GRIA1: variants seen among roughly 807,000 people sequenced by gnomAD.
GRIA1 encodes the protein glutamate ionotropic receptor AMPA type subunit 1, also known as glutamate receptor 1.
A neutral mutation model predicts 99.2 loss-of-function variants in GRIA1; 31 were observed. The observed-to-expected ratio is 0.31, with a 90% CI of 0.23 to 0.42. GRIA1 has a LOEUF of 0.42. Ranked by LOEUF, GRIA1 falls within the 10% of genes least tolerant of loss-of-function variation. The pLI is 1.00. For synonymous variants in GRIA1, 438 were observed against 432.4 expected (o/e 1.01, Z -0.16); for missense variants, 782 against 1,157.5 (o/e 0.68, Z 4.71).
intron 11 of GRIA1, among the ~76,000 whole-genome samples, chr5:153,732,906 C>G (rs1761139376): frequency 6.9e-6 from 1 of 144,376 alleles, no homozygotes; most frequent in Non-Finnish European, 1.5e-5. Flanking sequence ...GTGCGTAGTA[C>G]AAAATAAGAG....
At position 153,750,942 on chromosome 5, in the gene GRIA1, C is replaced by G. The variant is rs545447119; in HGVS notation, c.1824-13492C>G. On this transcript the variant is annotated intron_variant, in intron 11 of 15. Coordinates refer to ENST00000285900, the MANE Select transcript of GRIA1 (RefSeq NM_000827.4). ...TGAAACCCCGTCTCTACTAAAAGTA[C>G]AAAAAAAATTAGCTAGGCGTGGTGG... Among the ~76,000 whole-genome samples, 162 of 151,756 alleles carry G rather than the reference C, an allele frequency of 1.1e-3. 1 individual carries two copies. The highest frequency in any genetic ancestry group is 2.5e-3 in the South Asian group (12 of 4,792).
chr5:153,705,197 G>A (rs1758802343), intron 10 of GRIA1, among the ~76,000 whole-genome samples: 1 of 152,114 alleles, frequency 6.6e-6, no homozygotes, highest in African/African-American at 2.4e-5. Context: ...GCATCTCTCA[G>A]GACTAATTCT....
At chr5:153,783,068 A>G (rs1300649553) in intron 13 of GRIA1, among the ~76,000 whole-genome samples, 1 of 152,316 alleles carries the variant, frequency 6.6e-6, no homozygotes, top group Non-Finnish European at 1.5e-5. Flanking sequence ...TCTCTTCCTC[A>G]GGAGCCATTC....
chr5:153,791,071 C>T (rs1012970400), intron 13 of GRIA1, among the ~76,000 whole-genome samples: 1 of 151,932 alleles, frequency 6.6e-6, no homozygotes, highest in African/African-American at 2.4e-5. Context: ...TATCATAGGG[C>T]AGTTTTCCAG....
At chr5:153,799,887 C>A (rs565359846) in intron 14 of GRIA1, among the ~76,000 whole-genome samples, 2 of 152,100 alleles carry the variant, frequency 1.3e-5, no homozygotes, top group African/African-American at 4.8e-5. Flanking sequence ...TTCCACCCCC[C>A]GTCCATATGA....
chr5:153,714,373 CT>C (rs1307219519), intron 11 of GRIA1, among the ~76,000 whole-genome samples: 1 of 152,172 alleles, frequency 6.6e-6, no homozygotes, highest in Non-Finnish European at 1.5e-5. Flanking sequence ...AATTTTTCTC[CT>C]TTTCCCCTCC....
At chr5:153,544,596 C>A (rs1316562052) in intron 2 of GRIA1, among the ~76,000 whole-genome samples, 4 of 152,034 alleles carry the variant, frequency 2.6e-5, no homozygotes, top group African/African-American at 9.7e-5. Flanking sequence ...ATTGCAAACA[C>A]AGGAGAAGAT....
intron 2 of GRIA1, among the ~76,000 whole-genome samples, chr5:153,643,438 G>A (rs1277655015): frequency 6.6e-6 from 1 of 152,078 alleles, no homozygotes; most frequent in Admixed American, 6.6e-5. Context: ...ATTGAATATT[G>A]GTTGTGACAG....
At position 153,813,436 on chromosome 5, in the gene GRIA1, T is replaced by G. The variant is rs147858579; in HGVS notation, c.*2211T>G. ...TAACATGAGCGGATAAAAAGAGACT[T>G]GTTTGTGCTAGAAATGAGGGTCTAT... On this transcript the variant is annotated 3_prime_UTR_variant, in exon 16 of 16. Coordinates refer to ENST00000285900, the MANE Select transcript of GRIA1 (RefSeq NM_000827.4). 6.6e-6 allele frequency: 1 copy of G among 152,198 alleles called. No individual in the cohort carries two copies. The highest frequency in any genetic ancestry group is 1.5e-5 in the Non-Finnish European group (1 of 68,050). The allele number at this position is 152,198 out of a possible 1,614,324, so 9.4% of individuals were successfully genotyped here.
At chr5:153,674,772 A>C in intron 6 of GRIA1, 111 bp downstream of exon 6, 1 of 1,088,388 alleles carries the variant, frequency 9.2e-7, no homozygotes. Flanking sequence ...AAGCGAACAA[A>C]TTCAGGGAAA....
intron 11 of GRIA1, among the ~76,000 whole-genome samples, chr5:153,737,209 C>CTCA (rs891572129): frequency 7.0e-6 from 1 of 143,466 alleles, no homozygotes; most frequent in Non-Finnish European, 1.5e-5. Context: ...AAGCATTAAT[C>CTCA]TCATCTCATC....
intron 11 of GRIA1, among the ~76,000 whole-genome samples, chr5:153,731,983 G>A (rs1404273211): frequency 6.6e-6 from 1 of 151,964 alleles, no homozygotes; most frequent in African/African-American, 2.4e-5. Context: ...CATATAAGTG[G>A]GATCAGGTGT....
chr5:153,639,227 C>T (rs1356010623), intron 2 of GRIA1, among the ~76,000 whole-genome samples: 1 of 152,228 alleles, frequency 6.6e-6, no homozygotes, highest in Non-Finnish European at 1.5e-5. Context: ...CCAGCTAGGA[C>T]TGACCCTCTT....
At chr5:153,713,706 G>C (rs1759483024) in intron 11 of GRIA1, among the ~76,000 whole-genome samples, 1 of 152,230 alleles carries the variant, frequency 6.6e-6, no homozygotes, top group Admixed American at 6.5e-5. Flanking sequence ...CATAATTGCT[G>C]TCTCTAGATT....
intron 11 of GRIA1, among the ~76,000 whole-genome samples, chr5:153,746,832 T>C (rs1019188488): frequency 2.0e-5 from 3 of 152,118 alleles, no homozygotes; most frequent in African/African-American, 7.2e-5. Context: ...AAATATTCTT[T>C]TGTGTCTAGG....
chr5:153,556,140 T>G (rs905705437), intron 2 of GRIA1, among the ~76,000 whole-genome samples: 1 of 152,240 alleles, frequency 6.6e-6, no homozygotes, highest in Non-Finnish European at 1.5e-5. Context: ...GTATGTGGCC[T>G]GGGTTTGAAC....
At chr5:153,742,692 C>T (rs1761890734) in intron 11 of GRIA1, among the ~76,000 whole-genome samples, 1 of 152,182 alleles carries the variant, frequency 6.6e-6, no homozygotes, top group Non-Finnish European at 1.5e-5. Context: ...CGACTTGTGG[C>T]CCCCTTTTGC....
At chr5:153,529,858 A>G (rs1235384818) in intron 2 of GRIA1, among the ~76,000 whole-genome samples, 1 of 152,144 alleles carries the variant, frequency 6.6e-6, no homozygotes, top group East Asian at 1.9e-4. Flanking sequence ...CAATAAAATG[A>G]GCCCTCTCAT....
chr5:153,792,307 AT>A, intron 13 of GRIA1, among the ~76,000 whole-genome samples: 1 of 152,178 alleles, frequency 6.6e-6, no homozygotes, highest in African/African-American at 2.4e-5. Context: ...TCTTCACACT[AT>A]TGACCCCAAA....
Sources: allele counts gnomAD v4.1 joint callset (sites outside exome capture counted in the v4.1 genomes callset), GRCh38; gene constraint gnomAD v4.1.1; transcripts MANE v1.5; gene names NCBI Gene and HGNC (gene_info 2026-07-23, HGNC 2026-07-21).